The following CNTN1 variants were observed in gnomAD, a reference collection of about 807,000 sequenced individuals.
CNTN1 encodes the protein contactin-1.
CNTN1 carries 38 observed loss-of-function variants against 126.4 expected under a neutral mutation model. That is an observed-to-expected ratio of 0.30 (90% confidence interval 0.23 to 0.39). CNTN1 has a LOEUF of 0.39. Among genes scored for constraint, CNTN1 ranks in the 10% least tolerant of loss-of-function variants. CNTN1 has a pLI of 1.00. For missense variants in CNTN1, 1,009 were observed against 1,248.4 expected (o/e 0.81, Z 2.89); for synonymous variants, 413 against 422.6 (o/e 0.98, Z 0.28).
At chr12:40,919,684 A>G (rs1242046863) in intron 4 of CNTN1, among the ~76,000 whole-genome samples, 1 of 152,144 alleles carries the variant, frequency 6.6e-6, no homozygotes, top group Non-Finnish European at 1.5e-5. Flanking sequence ...TTCTAACAGT[A>G]CTCAGTTTTT....
chr12:40,811,855 G>T (rs1941078453), intron 1 of CNTN1, among the ~76,000 whole-genome samples: 1 of 145,496 alleles, frequency 6.9e-6, no homozygotes, highest in African/African-American at 2.5e-5. Context: ...TAGTGTCATT[G>T]ACATTTTCTA....
chr12:40,979,897 T>A (rs971062891), intron 15 of CNTN1, among the ~76,000 whole-genome samples: 4 of 152,178 alleles, frequency 2.6e-5, no homozygotes, highest in Non-Finnish European at 4.4e-5. Flanking sequence ...ACATTGTTTT[T>A]TGTTCTGCCA....
chr12:40,846,864 T>A (rs574691946), intron 1 of CNTN1, among the ~76,000 whole-genome samples: 4 of 151,704 alleles, frequency 2.6e-5, no homozygotes, highest in African/African-American at 7.3e-5. Flanking sequence ...GTTATTTTTT[T>A]TTATTATTTT....
At chr12:40,924,273 GA>G (rs754292985) in intron 5 of CNTN1, among the ~76,000 whole-genome samples, 27 of 152,068 alleles carry the variant, frequency 1.8e-4, no homozygotes, top group Non-Finnish European at 1.9e-4. Flanking sequence ...CCCTAAGTCT[GA>G]AACAAAAGTC....
At chr12:41,027,233 G>A (rs1249486454) in intron 21 of CNTN1, among the ~76,000 whole-genome samples, 3 of 152,134 alleles carry the variant, frequency 2.0e-5, no homozygotes, top group Non-Finnish European at 4.4e-5. Context: ...GAGGTTGAAA[G>A]AGAGATTAGG....
chr12:40,818,446 C>T (rs780166217), intron 1 of CNTN1, among the ~76,000 whole-genome samples: 13 of 152,140 alleles, frequency 8.5e-5, no homozygotes, highest in African/African-American at 1.4e-4. Context: ...TCCTTTCTTC[C>T]GCTTTGTCAA....
intron 1 of CNTN1, among the ~76,000 whole-genome samples, chr12:40,702,560 T>A (rs1256946871): frequency 2.0e-5 from 3 of 152,192 alleles, no homozygotes; most frequent in African/African-American, 7.2e-5. Context: ...TTATCCTGCC[T>A]CAGCCTCCCA....
intron 1 of CNTN1, among the ~76,000 whole-genome samples, chr12:40,898,803 C>T (rs778699476): frequency 1.9e-4 from 29 of 152,202 alleles, no homozygotes; most frequent in South Asian, 4.1e-4. Context: ...TCAGAAGACA[C>T]TCAGAAGTTT....
rs1254907654 is a variant in CNTN1, at chr12:40,877,529, A to AAT, written c.-76-30823_-76-30822dup. ...TCAGAAACCAAAATCAATCTGGGACAATATATCATTTATTTTCATACTGGA... is the reference window on the plus strand; with the variant it reads ...TCAGAAACCAAAATCAATCTGGGACAATATATATCATTTATTTTCATACTGGA... On this transcript the variant is annotated intron_variant, in intron 1 of 23. Coordinates refer to ENST00000551295, the MANE Select transcript of CNTN1 (RefSeq NM_001843.4). Among the ~76,000 whole-genome samples the AAT allele has an allele frequency of 5.3e-5, 8 of 152,308 alleles. No individual in the cohort carries two copies. The South Asian group carries it at 1.0e-3, about 20-fold the overall frequency.
At chr12:40,992,101 T>C (rs2120494515) in intron 16 of CNTN1, among the ~76,000 whole-genome samples, 1 of 152,142 alleles carries the variant, frequency 6.6e-6, no homozygotes, top group African/African-American at 2.4e-5. Flanking sequence ...AATCAGAAAG[T>C]CAAAAATATA....
intron 1 of CNTN1, among the ~76,000 whole-genome samples, chr12:40,904,814 A>G (rs1332215547): frequency 1.3e-5 from 2 of 152,232 alleles, no homozygotes; most frequent in African/African-American, 4.8e-5. Flanking sequence ...CATTTATTCA[A>G]TAACTCCATA....
chr12:40,955,855 A>G (rs1946860038), intron 14 of CNTN1, among the ~76,000 whole-genome samples: 1 of 152,088 alleles, frequency 6.6e-6, no homozygotes, highest in African/African-American at 2.4e-5. Flanking sequence ...TTGAACATTC[A>G]TAGCCAAGTA....
rs941081905 is a variant in CNTN1 at position 40,928,928 on chromosome 12, G to T, written c.497-868G>T. 3.3e-5 allele frequency among the ~76,000 whole-genome samples: 5 copies of T among 151,914 alleles called. No homozygotes were observed. The South Asian group carries it at 1.0e-3, about 32-fold the overall frequency. ...CATTTTACACCTAAAATCCTATCTA[G>T]TCTGACCTAGAGAGATTCCCACTTA... On this transcript the variant is annotated intron_variant, in intron 6 of 23. Coordinates refer to ENST00000551295, the MANE Select transcript of CNTN1 (RefSeq NM_001843.4).
At chr12:40,890,561 G>T (rs1442955620) in intron 1 of CNTN1, among the ~76,000 whole-genome samples, 1 of 151,906 alleles carries the variant, frequency 6.6e-6, no homozygotes, top group Non-Finnish European at 1.5e-5. Context: ...TGTCTCTGTG[G>T]TGTTGCCTTT....
At chr12:40,825,808 G>A (rs891256179) in intron 1 of CNTN1, among the ~76,000 whole-genome samples, 12 of 151,934 alleles carry the variant, frequency 7.9e-5, no homozygotes, top group South Asian at 4.2e-4. Context: ...TCTAATTTTC[G>A]TCTGTTCTAG....
In CNTN1 at chr12:40,951,714, T is replaced by TAAAAAAAAAAAAA. The variant is rs1294780787; in HGVS notation, c.1684-7400_1684-7399insAAAAAAAAAAAAA. 2.0e-4 allele frequency among the ~76,000 whole-genome samples: 16 copies of TAAAAAAAAAAAAA among 79,610 alleles called. 1 individual carries two copies. Among genetic ancestry groups the TAAAAAAAAAAAAA allele is most frequent in the Non-Finnish European group, 2.6e-4 (12 of 45,714 alleles). 52.2% of individuals were successfully genotyped at this position (79,610 alleles called of 152,430 possible). A position where few individuals can be genotyped will look rare whatever the true frequency, so the allele number is the denominator to read the frequency against. The stretch of plus-strand genomic sequence containing the variant: ...AAAGAGTGAGACTTTGTCTCAAAAT[T>TAAAAAAAAAAAAA]TAAAAAAAAAAAAAAAAAAAAAAAA... On this transcript the variant is annotated intron_variant, in intron 14 of 23. Transcript: ENST00000551295.
Position 40,907,858 on chromosome 12 carries a change from G to A in CNTN1, c.-76-499G>A, listed in dbSNP as rs116119843. Among the ~76,000 whole-genome samples the A allele has an allele frequency of 2.1e-3, 322 of 152,292 alleles. 1 individual carries two copies. The highest frequency in any genetic ancestry group is 7.1e-3 in the African/African-American group (297 of 41,570). On this transcript the variant is annotated intron_variant, in intron 1 of 23. Coordinates refer to ENST00000551295, the MANE Select transcript of CNTN1 (RefSeq NM_001843.4). ...AAAAATTTTCCTTAAGCCACTAACA[G>A]AAAATGCTAACATCATCACCCTTGT...
At chr12:40,851,475 G>A (rs1341710091) in intron 1 of CNTN1, among the ~76,000 whole-genome samples, 1 of 152,196 alleles carries the variant, frequency 6.6e-6, no homozygotes, top group Non-Finnish European at 1.5e-5. Context: ...CATATTTTGA[G>A]ACTCTGCTGG....
chr12:40,746,140 T>C (rs1938171036), intron 1 of CNTN1, among the ~76,000 whole-genome samples: 1 of 152,168 alleles, frequency 6.6e-6, no homozygotes, highest in Non-Finnish European at 1.5e-5. Context: ...ATTGTCATTT[T>C]CCATCAAGGT....
Sources: allele counts gnomAD v4.1 joint callset (sites outside exome capture counted in the v4.1 genomes callset), GRCh38; gene constraint gnomAD v4.1.1; transcripts MANE v1.5; gene names NCBI Gene and HGNC (gene_info 2026-07-23, HGNC 2026-07-21).